Variants in LYST observed in about 807,000 individuals in gnomAD.
LYST encodes lysosomal-trafficking regulator.
In LYST, 192 loss-of-function variants were observed where a neutral mutation model predicts 413.6. The ratio of observed to expected loss-of-function variants is 0.46; its 90% CI spans 0.41 to 0.52. LYST has a LOEUF of 0.52. Ranked by LOEUF, LYST falls within the 20% of genes least tolerant of loss-of-function variation. LYST has a pLI of 0.00. For synonymous variants in LYST, 1,525 were observed against 1,567.3 expected, an observed-to-expected ratio of 0.97 and a Z score of 0.64; for missense variants, 3,815 against 4,499.9, an observed-to-expected ratio of 0.85 and a Z score of 4.35.
At chr1:235,736,800 TACATGTGTAAATAC>T (rs1365351240) in intron 31 of LYST, 1 of 151,988 alleles carries the variant, frequency 6.6e-6, no homozygotes, top group Non-Finnish European at 1.5e-5. Context: ...ACAGAATATT[TACATGTGTAAATAC>T]ATGTATACAT....
In LYST at chr1:235,830,550, T is replaced by C. The variant is rs913277720; in HGVS notation, c.-7-126A>G. 2.4e-5 allele frequency: 18 copies of C among 737,246 alleles called. No homozygotes were observed. The African/African-American group carries it at 2.5e-4, about 10-fold the overall frequency. 45.7% of individuals were successfully genotyped at this position (737,246 alleles called of 1,614,324 possible). ...CTTAAAATTACTGGAAATTGGTACT[T>C]AACCCTATAATATTTTCAGGCATAG... On this transcript the variant is annotated intron_variant, in intron 2 of 52. Transcript: ENST00000389793.
intron 45 of LYST, among the ~76,000 whole-genome samples, chr1:235,701,979 T>C (rs1661587671): frequency 6.6e-6 from 1 of 152,176 alleles, no homozygotes; most frequent in African/African-American, 2.4e-5. Flanking sequence ...GTAAAAACCT[T>C]TTCCTCTTAA....
At chr1:235,846,919 G>A (rs1027448599) in intron 1 of LYST, among the ~76,000 whole-genome samples, 15 of 152,108 alleles carry the variant, frequency 9.9e-5, no homozygotes, top group Non-Finnish European at 1.9e-4. Flanking sequence ...TGTTCCTGAG[G>A]AAGAAGAGAA....
rs754448845 is a variant in LYST, at chr1:235,800,956, T to C, written c.3854A>G (p.Lys1285Arg). The C allele has an allele frequency of 1.2e-6, 2 of 1,613,702 alleles. No homozygotes were observed. The highest frequency in any genetic ancestry group is 1.3e-5 in the African/African-American group (1 of 74,924). ...ELNLLSASKAKLDVLAHVFES... is the reference protein window; with the variant it reads ...ELNLLSASKARLDVLAHVFES... ...AAATACATGGGCAAGCACATCAAGT[T>C]TGGCTTTACTAGCAGAAAGCAAATT... Residue 1285 changes from lysine to arginine, a missense_variant, in exon 9 of 53, where the codon AAA becomes AGA. By Grantham distance (26) the Lys-to-Arg change is conservative. Around this residue, in one of 4 missense-constraint regions of LYST, gnomAD observed 1,648 missense variants for 1,810.3 expected, o/e 0.91. Coordinates refer to ENST00000389793, the MANE Select transcript of LYST (RefSeq NM_000081.4).
intron 21 of LYST, among the ~76,000 whole-genome samples, chr1:235,765,628 A>G (rs1668064259): frequency 6.6e-6 from 1 of 152,058 alleles, no homozygotes; most frequent in Admixed American, 6.6e-5. Context: ...CTTATTTTCT[A>G]TTTCCTTTTA....
At chr1:235,771,010 A>G (rs990830981) in intron 19 of LYST, among the ~76,000 whole-genome samples, 2 of 152,218 alleles carry the variant, frequency 1.3e-5, no homozygotes, top group African/African-American at 2.4e-5. Flanking sequence ...GCTTTTAACA[A>G]AAAGCAAAAT....
chr1:235,720,914 G>A lies in LYST; in HGVS notation c.9316-9C>T, dbSNP rs1280888055. The A allele has an allele frequency of 6.2e-7, 1 of 1,612,564 alleles. No individual in the cohort carries two copies. Among genetic ancestry groups the A allele is most frequent in the African/African-American group, 1.3e-5 (1 of 74,868 alleles). ...TATACATCATCACGAACCTAAAAGG[G>A]AAGGAGAAGAAAAAAACCCAGATAT... On this transcript the variant is annotated splice_polypyrimidine_tract_variant and intron_variant, in intron 39 of 52. Transcript: ENST00000389793.
Position 235,720,731 on chromosome 1 carries a change from G to A in LYST, c.9490C>T (p.Pro3164Ser). The change falls in exon 40 of 53, where the codon CCT (proline) becomes TCT (serine). Residue 3164 changes from proline (P) to serine (S), a missense_variant. Physicochemically the swap from Pro to Ser is moderately conservative, Grantham distance 74. Around this residue, in one of 4 missense-constraint regions of LYST, gnomAD observed 866 missense variants for 1,156.0 expected, o/e 0.75. Transcript: ENST00000389793. Reference sequence around the variant, plus strand: ...TCAGCAAGTATAAATGGGAACACAGGATACTGCATGAGATCATTGAAGGAT... The same window carrying A: ...TCAGCAAGTATAAATGGGAACACAGAATACTGCATGAGATCATTGAAGGAT... ...GRSFNDLMQY[P>S]VFPFILADYV... The A allele has an allele frequency of 6.2e-7, 1 of 1,613,812 alleles. No homozygotes were observed. Among genetic ancestry groups the A allele is most frequent in the South Asian group, 1.1e-5 (1 of 91,068 alleles).
At chr1:235,829,995 T>C (rs558864904) in intron 3 of LYST, 47 of 502,632 alleles carry the variant, frequency 9.4e-5, no homozygotes, top group African/African-American at 8.8e-4. Context: ...ATAGTATATA[T>C]GAAACCATTT....
intron 4 of LYST, among the ~76,000 whole-genome samples, chr1:235,810,838 T>G (rs1673380786): frequency 6.6e-6 from 1 of 152,182 alleles, no homozygotes; most frequent in Non-Finnish European, 1.5e-5. Context: ...GGATACAAAC[T>G]GATTTTTAAA....
intron 1 of LYST, among the ~76,000 whole-genome samples, chr1:235,847,482 A>C (rs927314310): frequency 1.1e-4 from 17 of 152,170 alleles, no homozygotes; most frequent in Non-Finnish European, 1.5e-4. Flanking sequence ...AAAAGCAAAA[A>C]CAAAACAACA....
At chr1:235,738,819 TC>T in intron 31 of LYST, 1 of 797,518 alleles carries the variant, frequency 1.3e-6, no homozygotes, top group Non-Finnish European at 2.3e-6. Context: ...GCACCCAATT[TC>T]CACCATGATT....
chr1:235,677,159 T>C lies in LYST; in HGVS notation c.10970A>G (p.His3657Arg), dbSNP rs867806413. 3 of 1,613,942 alleles carry C rather than the reference T, an allele frequency of 1.9e-6. No individual in the cohort carries two copies. The highest frequency in any genetic ancestry group is 2.5e-6 in the Non-Finnish European group (3 of 1,179,840). Residue 3657 changes from histidine to arginine, a missense_variant, in exon 50 of 53, where the codon CAC (histidine) becomes CGC (arginine). His to Arg is a conservative substitution (Grantham distance 29, BLOSUM62 0). This residue lies in a region of LYST where 866 missense variants were observed against 1,156.0 expected (regional missense o/e 0.75). Coordinates refer to ENST00000389793, the MANE Select transcript of LYST (RefSeq NM_000081.4). ...AGAGACAGCTGTGACAGGGCTTTTG[T>C]GTCCCGCCAGACTTTGTACATAGCA... ...RLCYVQSLAGHKSPVTAVSAS... is the reference protein window; with the variant it reads ...RLCYVQSLAGRKSPVTAVSAS...
At chr1:235,880,472 G>A (rs537541099) in intron 1 of LYST, among the ~76,000 whole-genome samples, 9 of 152,260 alleles carry the variant, frequency 5.9e-5, no homozygotes, top group Admixed American at 4.6e-4. Context: ...TCATAACAGT[G>A]ACTAAACACA....
intron 3 of LYST, among the ~76,000 whole-genome samples, chr1:235,822,818 TG>T (rs1674906653): frequency 6.6e-6 from 1 of 152,218 alleles, no homozygotes; most frequent in African/African-American, 2.4e-5. Context: ...TTGCAGCTTC[TG>T]CACCCTCTTG....
At chr1:235,835,624 CAT>C (rs756161842) in intron 1 of LYST, among the ~76,000 whole-genome samples, 53 of 152,348 alleles carry the variant, frequency 3.5e-4, no homozygotes, top group Non-Finnish European at 6.0e-4. Flanking sequence ...AGCACAGTCA[CAT>C]GTGTCCTCCT....
At chr1:235,725,662 G>A (rs1354328468) in intron 38 of LYST, among the ~76,000 whole-genome samples, 2 of 152,192 alleles carry the variant, frequency 1.3e-5, no homozygotes, top group African/African-American at 2.4e-5. Flanking sequence ...AGGGAAAGCA[G>A]AGTCTCTGGA....
chr1:235,668,040 A>G (rs1658640228), intron 50 of LYST, among the ~76,000 whole-genome samples: 1 of 152,160 alleles, frequency 6.6e-6, no homozygotes, highest in Non-Finnish European at 1.5e-5. Context: ...TAGTTGTTAT[A>G]CTGTATTGTT....
At chr1:235,749,841 A>G (rs1049925996) in intron 28 of LYST, among the ~76,000 whole-genome samples, 1 of 152,210 alleles carries the variant, frequency 6.6e-6, no homozygotes, top group Non-Finnish European at 1.5e-5. Context: ...ACAAAATGCT[A>G]GTATCTAAAG....
Sources: allele counts gnomAD v4.1 joint callset (sites outside exome capture counted in the v4.1 genomes callset), GRCh38; gene constraint gnomAD v4.1.1; regional missense constraint gnomAD v4.1.1; transcripts MANE v1.5; gene names NCBI Gene and HGNC (gene_info 2026-07-23, HGNC 2026-07-21).